The following KCNMA1 variants were observed in gnomAD, a reference collection of about 807,000 sequenced individuals.
KCNMA1 encodes Calcium-activated potassium channel subunit alpha-1.
A neutral mutation model predicts 140.0 loss-of-function variants in KCNMA1; 29 were observed. The ratio of observed to expected loss-of-function variants is 0.21; its 90% CI spans 0.15 to 0.28. The LOEUF (loss-of-function observed/expected upper bound fraction) is 0.28. Among genes scored for constraint, KCNMA1 ranks in the 10% least tolerant of loss-of-function variants. The pLI is 1.00. For synonymous variants in KCNMA1, 612 were observed against 611.9 expected (o/e 1.00, Z 0.00); for missense variants, 880 against 1,602.2 (o/e 0.55, Z 7.70).
chr10:77,520,158 GCATAT>G (rs2052598933), intron 1 of KCNMA1, among the ~76,000 whole-genome samples: 6 of 8,198 alleles, frequency 7.3e-4, no homozygotes, highest in Admixed American at 1.6e-3. Context: ...GTGAGGTCTG[GCATAT>G]GCAGTGTGAG....
At chr10:77,364,448 C>G (rs1047135917) in intron 2 of KCNMA1, among the ~76,000 whole-genome samples, 9 of 151,182 alleles carry the variant, frequency 6.0e-5, no homozygotes, top group African/African-American at 2.2e-4. Flanking sequence ...AAAGCTCCAT[C>G]TCAAAAAAAA....
intron 5 of KCNMA1, among the ~76,000 whole-genome samples, chr10:77,145,929 T>C (rs1031770054): frequency 1.1e-4 from 16 of 152,314 alleles, no homozygotes; most frequent in Admixed American, 9.1e-4. Context: ...GGAACAGTAA[T>C]AGTAACCTAC....
chr10:76,994,410 C>T (rs2083611665), intron 19 of KCNMA1, among the ~76,000 whole-genome samples: 1 of 152,150 alleles, frequency 6.6e-6, no homozygotes, highest in Non-Finnish European at 1.5e-5. Flanking sequence ...GAGTTGCTTG[C>T]ACACAGTAAG....
intron 25 of KCNMA1, among the ~76,000 whole-genome samples, chr10:76,898,673 G>A (rs2043703160): frequency 6.6e-6 from 1 of 151,640 alleles, no homozygotes; most frequent in South Asian, 2.1e-4. Flanking sequence ...ATAACTACTA[G>A]GTCAAGATGG....
chr10:77,215,362 T>C (rs551063152), intron 3 of KCNMA1, among the ~76,000 whole-genome samples: 3 of 140,790 alleles, frequency 2.1e-5, no homozygotes, highest in Non-Finnish European at 3.1e-5. Context: ...GATTACAGAT[T>C]GCACCTGTTT....
intron 2 of KCNMA1, among the ~76,000 whole-genome samples, chr10:77,369,304 G>A (rs553730225): frequency 7.1e-4 from 108 of 152,232 alleles, no homozygotes; most frequent in Admixed American, 1.5e-3. Context: ...AAGTCATCTG[G>A]GAGGATTTAC....
chr10:77,478,277 C>G (rs1431792490), intron 1 of KCNMA1, among the ~76,000 whole-genome samples: 4 of 152,140 alleles, frequency 2.6e-5, no homozygotes, highest in Non-Finnish European at 5.9e-5. Context: ...TGTTAATTCC[C>G]AACAGAGCTG....
At chr10:77,544,849 T>C (rs1477371633) in intron 1 of KCNMA1, among the ~76,000 whole-genome samples, 1 of 152,248 alleles carries the variant, frequency 6.6e-6, no homozygotes, top group African/African-American at 2.4e-5. Flanking sequence ...TCCACTTTTC[T>C]ATAACTTCTA....
intron 23 of KCNMA1, among the ~76,000 whole-genome samples, chr10:76,916,875 A>T (rs954374161): frequency 6.6e-6 from 1 of 152,222 alleles, no homozygotes; most frequent in African/African-American, 2.4e-5. Context: ...TCCCGTGTAT[A>T]CATTTCTTAT....
At chr10:77,133,810 A>C (rs2097915397) in intron 5 of KCNMA1, among the ~76,000 whole-genome samples, 1 of 152,158 alleles carries the variant, frequency 6.6e-6, no homozygotes, top group Non-Finnish European at 1.5e-5. Context: ...TTCTTTAATA[A>C]CAGCCATGAG....
intron 24 of KCNMA1, chr10:76,912,653 GT>G (rs1432648120): frequency 6.6e-6 from 1 of 152,216 alleles, no homozygotes. Flanking sequence ...GTTGCCTTAG[GT>G]TTGGGGCACC....
intron 2 of KCNMA1, among the ~76,000 whole-genome samples, chr10:77,370,340 G>A (rs2094605524): frequency 2.6e-5 from 4 of 152,092 alleles, no homozygotes; most frequent in Admixed American, 6.5e-5. Context: ...CCAGGTGGGG[G>A]CCTTGGGGAC....
intron 2 of KCNMA1, among the ~76,000 whole-genome samples, chr10:77,294,002 G>A (rs969046221): frequency 2.6e-5 from 4 of 152,238 alleles, no homozygotes; most frequent in Non-Finnish European, 4.4e-5. Flanking sequence ...TGCAGTCTCT[G>A]CTAAATGTGC....
At chr10:77,112,841 CAT>C (rs34600954) in intron 6 of KCNMA1, among the ~76,000 whole-genome samples, 38 of 147,252 alleles carry the variant, frequency 2.6e-4, no homozygotes, top group East Asian at 6.0e-4. Flanking sequence ...TTGCCATGTA[CAT>C]ATATATATAT....
chr10:77,503,564 T>C (rs535753582), intron 1 of KCNMA1, among the ~76,000 whole-genome samples: 2 of 152,348 alleles, frequency 1.3e-5, no homozygotes, highest in Admixed American at 1.3e-4. Flanking sequence ...GGCCATTAAA[T>C]TCACAATATT....
At chr10:76,946,321 CT>C (rs2063942484) in intron 22 of KCNMA1, among the ~76,000 whole-genome samples, 1 of 152,296 alleles carries the variant, frequency 6.6e-6, no homozygotes, top group Admixed American at 6.5e-5. Flanking sequence ...TTGAATCTAG[CT>C]TCCTCTTTGC....
intron 1 of KCNMA1, among the ~76,000 whole-genome samples, chr10:77,571,659 T>A (rs2071400749): frequency 6.6e-6 from 1 of 152,138 alleles, no homozygotes; most frequent in South Asian, 2.1e-4. Flanking sequence ...GACAGAAATC[T>A]CATTTCCAAC....
intron 16 of KCNMA1, among the ~76,000 whole-genome samples, chr10:77,026,866 A>C (rs1328505803): frequency 6.6e-6 from 1 of 152,000 alleles, no homozygotes; most frequent in Non-Finnish European, 1.5e-5. Context: ...GATAAGGAAA[A>C]CTCCTTAAAT....
At chr10:77,452,645 C>T (rs2097685392) in intron 1 of KCNMA1, among the ~76,000 whole-genome samples, 1 of 152,170 alleles carries the variant, frequency 6.6e-6, no homozygotes. Context: ...GAGCTGTTGG[C>T]CACTTGGCTT....
Sources: allele counts gnomAD v4.1 joint callset (sites outside exome capture counted in the v4.1 genomes callset), GRCh38; gene constraint gnomAD v4.1.1; transcripts MANE v1.5; gene names NCBI Gene and HGNC (gene_info 2026-07-23, HGNC 2026-07-21).